CTNNA3: variants seen among roughly 807,000 people sequenced by gnomAD.
CTNNA3 encodes the protein catenin alpha 3.
A neutral mutation model predicts 95.7 loss-of-function variants in CTNNA3; 76 were observed. The ratio of observed to expected loss-of-function variants is 0.79; its 90% CI spans 0.66 to 0.96. The LOEUF (loss-of-function observed/expected upper bound fraction) is 0.96. Among genes scored for constraint, CTNNA3 ranks in the 40% least tolerant of loss-of-function variants. CTNNA3 has a pLI of 0.00. For missense variants in CTNNA3, 1,191 were observed against 1,089.8 expected, an observed-to-expected ratio of 1.09 and a Z score of -1.31; for synonymous variants, 431 against 374.4, an observed-to-expected ratio of 1.15 and a Z score of -1.74.
chr10:67,751,087 G>C, intron 1 of CTNNA3: 1 of 1,429,256 alleles, frequency 7.0e-7, no homozygotes, highest in East Asian at 2.3e-5. Flanking sequence ...ACACCAGCAC[G>C]CATTGTTGAG....
chr10:66,459,985 A>G (rs1459336664), intron 11 of CTNNA3, among the ~76,000 whole-genome samples: 1 of 152,080 alleles, frequency 6.6e-6, no homozygotes, highest in East Asian at 1.9e-4. Context: ...GATGTAAATG[A>G]CAGATCTAAC....
At chr10:66,753,577 G>A (rs566873168) in intron 9 of CTNNA3, among the ~76,000 whole-genome samples, 178 of 151,656 alleles carry the variant, frequency 1.2e-3, no homozygotes, top group South Asian at 3.1e-3. Flanking sequence ...CAGGAGAATC[G>A]CTTGAACCTG....
intron 7 of CTNNA3, chr10:66,926,962 C>T: frequency 3.1e-6 from 5 of 1,613,220 alleles, no homozygotes; most frequent in Non-Finnish European, 4.2e-6. Context: ...AGCTGTAGCA[C>T]TGGTTATAGC....
chr10:66,702,430 G>C (rs1847975475), intron 9 of CTNNA3, among the ~76,000 whole-genome samples: 1 of 152,056 alleles, frequency 6.6e-6, no homozygotes, highest in Admixed American at 6.6e-5. Context: ...CATTAACAAT[G>C]GTTTTTGTCT....
chr10:66,907,333 C>T (rs1432529692), intron 7 of CTNNA3, among the ~76,000 whole-genome samples: 1 of 152,032 alleles, frequency 6.6e-6, no homozygotes, highest in African/African-American at 2.4e-5. Context: ...CTTTTGTATA[C>T]TTACTTTGTA....
chr10:66,398,583 G>A (rs761095618), intron 11 of CTNNA3, among the ~76,000 whole-genome samples: 4 of 151,884 alleles, frequency 2.6e-5, no homozygotes, highest in Non-Finnish European at 4.4e-5. Context: ...ATAAAATCAG[G>A]AAGAAAGGTA....
intron 14 of CTNNA3, among the ~76,000 whole-genome samples, chr10:66,072,654 A>G (rs552221033): frequency 5.9e-5 from 9 of 152,122 alleles, no homozygotes; most frequent in Non-Finnish European, 1.0e-4. Flanking sequence ...CATTTTGGAC[A>G]GGCTGGTCTT....
chr10:66,011,789 A>C (rs2079009926), intron 15 of CTNNA3, among the ~76,000 whole-genome samples: 1 of 152,184 alleles, frequency 6.6e-6, no homozygotes, highest in Non-Finnish European at 1.5e-5. Flanking sequence ...TTTAATTGTA[A>C]AAGAGTCTAG....
intron 7 of CTNNA3, among the ~76,000 whole-genome samples, chr10:67,124,368 GTGT>G (rs1564907278): frequency 6.7e-6 from 1 of 148,832 alleles, no homozygotes; most frequent in African/African-American, 2.5e-5. Context: ...GTGTGTGTGT[GTGT>G]GTGGTCTATA....
rs1254374724 is a variant in CTNNA3, at chr10:66,361,235, T to C, written c.1732+17917A>G. On this transcript the variant is annotated intron_variant, in intron 12 of 17. Transcript: ENST00000433211. ...CTATCTGTCTCAGCCCCCTAAAGTA[T>C]TGGGATTACAGGCATGAGCCACTGT... is the stretch of plus-strand genomic sequence containing the variant. Among the ~76,000 whole-genome samples the C allele has an allele frequency of 4.0e-5, 6 of 151,240 alleles. No homozygotes were observed. In the South Asian group the frequency reaches 6.3e-4, roughly 16 times the overall value.
rs189978823 is a variant in CTNNA3 at position 66,526,593 on chromosome 10, C to G, written c.1375-5820G>C. On this transcript the variant is annotated intron_variant, in intron 10 of 17. Transcript: ENST00000433211. ...CCCAAGAGTTCCTATTTTTTCATAT[C>G]CTGGCCAAAACTTATTTTCTCTTTT... 7.0e-4 allele frequency among the ~76,000 whole-genome samples: 107 copies of G among 152,248 alleles called. 1 individual carries two copies. Among genetic ancestry groups the G allele is most frequent in the African/African-American group, 2.6e-3 (106 of 41,546 alleles).
chr10:66,249,705 A>G (rs960211181), intron 13 of CTNNA3, among the ~76,000 whole-genome samples: 1 of 152,176 alleles, frequency 6.6e-6, no homozygotes, highest in Non-Finnish European at 1.5e-5. Context: ...TACAACCACC[A>G]TGAAAAATAG....
chr10:66,465,636 G>T (rs113548559), intron 11 of CTNNA3, among the ~76,000 whole-genome samples: 1 of 152,154 alleles, frequency 6.6e-6, no homozygotes, highest in East Asian at 1.9e-4. Context: ...TTGAGAATCA[G>T]ACTCAGGAAG....
In CTNNA3 at chr10:66,376,506, A is replaced by T. The variant is rs1475142786; in HGVS notation, c.1732+2646T>A. Among the ~76,000 whole-genome samples, 7 of 152,288 alleles carry T rather than the reference A, an allele frequency of 4.6e-5. No homozygotes were observed. The East Asian group carries it at 1.4e-3, about 29-fold the overall frequency. On this transcript the variant is annotated intron_variant, in intron 12 of 17. Coordinates refer to ENST00000433211, the MANE Select transcript of CTNNA3 (RefSeq NM_013266.4). Reference sequence around the variant, plus strand: ...GAGAAAACACTTAGAAGATCATCAAATTTTGAAAATGTACTAATGAGCTAC... The same window carrying T: ...GAGAAAACACTTAGAAGATCATCAATTTTTGAAAATGTACTAATGAGCTAC...
intron 7 of CTNNA3, among the ~76,000 whole-genome samples, chr10:67,114,844 T>TA (rs1337344492): frequency 1.3e-5 from 2 of 151,842 alleles, no homozygotes; most frequent in South Asian, 2.1e-4. Flanking sequence ...CCTCTTTTTT[T>TA]AAAAAAATCT....
At chr10:66,762,817 C>G (rs1195853797) in intron 9 of CTNNA3, among the ~76,000 whole-genome samples, 1 of 151,920 alleles carries the variant, frequency 6.6e-6, no homozygotes, top group Non-Finnish European at 1.5e-5. Flanking sequence ...GTTCCTTTAA[C>G]AGTGTGGAGG....
At chr10:67,446,178 C>T (rs1157689705) in intron 5 of CTNNA3, among the ~76,000 whole-genome samples, 1 of 152,050 alleles carries the variant, frequency 6.6e-6, no homozygotes, top group African/African-American at 2.4e-5. Context: ...GAGCTTTGTA[C>T]ATCTCCTCAT....
intron 7 of CTNNA3, among the ~76,000 whole-genome samples, chr10:67,141,460 T>A (rs1860563083): frequency 6.6e-6 from 1 of 152,150 alleles, no homozygotes; most frequent in African/African-American, 2.4e-5. Flanking sequence ...TGTGCCATTA[T>A]CCCCGGGAAG....
At chr10:67,477,651 G>C (rs1848069770) in intron 5 of CTNNA3, among the ~76,000 whole-genome samples, 1 of 152,136 alleles carries the variant, frequency 6.6e-6, no homozygotes, top group Non-Finnish European at 1.5e-5. Flanking sequence ...GAAAGGGAGA[G>C]AAAACAATAT....
Sources: allele counts gnomAD v4.1 joint callset (sites outside exome capture counted in the v4.1 genomes callset), GRCh38; gene constraint gnomAD v4.1.1; transcripts MANE v1.5; gene names NCBI Gene and HGNC (gene_info 2026-07-23, HGNC 2026-07-21).